Variants in IL17RB observed in about 807,000 individuals in gnomAD.
The protein encoded by IL17RB is interleukin 17 receptor B, also known as interleukin-17 receptor B.
In IL17RB, 36 loss-of-function variants were observed where a neutral mutation model predicts 43.9. That is an observed-to-expected ratio of 0.82 (90% confidence interval 0.63 to 1.08). The LOEUF (loss-of-function observed/expected upper bound fraction) is 1.08. Ranked by LOEUF, IL17RB falls within the 50% of genes least tolerant of loss-of-function variation. IL17RB has a pLI of 0.00. For missense variants in IL17RB, 613 were observed against 613.6 expected, an observed-to-expected ratio of 1.00 and a Z score of 0.01; for synonymous variants, 225 against 225.4, an observed-to-expected ratio of 1.00 and a Z score of 0.02.
At chr3:53,856,076 A>C (rs940927267) in intron 6 of IL17RB, among the ~76,000 whole-genome samples, 1 of 152,204 alleles carries the variant, frequency 6.6e-6, no homozygotes, top group Non-Finnish European at 1.5e-5. Flanking sequence ...CCTTGCTAGA[A>C]GGCAGATTTG....
intron 1 of IL17RB, among the ~76,000 whole-genome samples, chr3:53,846,940 C>T (rs1157197677): frequency 6.6e-6 from 1 of 152,298 alleles, no homozygotes; most frequent in Middle Eastern, 3.4e-3. Context: ...ACCGAACCCA[C>T]CAGGGTCTCT....
At chr3:53,860,271 AC>A in intron 10 of IL17RB, 43 bp downstream of exon 10, 3 of 1,513,304 alleles carry the variant, frequency 2.0e-6, no homozygotes, top group Non-Finnish European at 2.7e-6. Context: ...TAAGGAAATA[AC>A]ATTTTGAATT....
chr3:53,853,836 A>G (rs1330251408), intron 5 of IL17RB, among the ~76,000 whole-genome samples: 4 of 152,208 alleles, frequency 2.6e-5, no homozygotes, highest in African/African-American at 9.6e-5. Flanking sequence ...TGATGAGAGC[A>G]AACCTCATTT....
chr3:53,846,585 G>T lies in IL17RB; in HGVS notation c.-4G>T. ...TGGCCTGGATCCCGCGCAGTGGCCC[G>T]GCGATGTCGCTCGTGCTGCTAAGCC... On this transcript the variant is annotated 5_prime_UTR_variant, in exon 1 of 11. Coordinates refer to ENST00000288167, the MANE Select transcript of IL17RB (RefSeq NM_018725.4). 6.3e-7 allele frequency: 1 copy of T among 1,578,656 alleles called. No homozygotes were observed. The highest frequency in any genetic ancestry group is 8.6e-7 in the Non-Finnish European group (1 of 1,167,608).
At position 53,858,789 on chromosome 3, in the gene IL17RB, A is replaced by C. The variant is rs765666738; in HGVS notation, c.818A>C (p.Gln273Pro). Residue 273 changes from glutamine (Q) to proline (P), a missense_variant, in exon 9 of 11, where the codon CAA (glutamine) becomes CCA (proline). Coordinates refer to ENST00000288167, the MANE Select transcript of IL17RB (RefSeq NM_018725.4). ...AAAGGAACAGTTGTGCTCTGCCCAC[A>C]AACAGGCGTCCCTTTCCCTCTGGAT... is the stretch of plus-strand genomic sequence containing the variant. ...RHKGTVVLCP[Q>P]TGVPFPLDNN... 1.9e-5 allele frequency: 31 copies of C among 1,614,080 alleles called. No homozygotes were observed. Among genetic ancestry groups the C allele is most frequent in the Non-Finnish European group, 2.5e-5 (30 of 1,180,018 alleles).
chr3:53,863,155 A>G (rs1699628153), intron 10 of IL17RB, among the ~76,000 whole-genome samples: 1 of 152,190 alleles, frequency 6.6e-6, no homozygotes, highest in Non-Finnish European at 1.5e-5. Flanking sequence ...CATGCAAAAT[A>G]TGTGTTAATT....
rs749224242 is a variant in IL17RB, at chr3:53,858,829, A to G, written c.847+11A>G. On this transcript the variant is annotated intron_variant, in intron 9 of 10. Coordinates refer to ENST00000288167, the MANE Select transcript of IL17RB (RefSeq NM_018725.4). ...TCCCTCTGGATAACAGTAAGTGCCCAGTAACTTCAACCAGATGATCAAAGT... is the reference window on the plus strand; with the variant it reads ...TCCCTCTGGATAACAGTAAGTGCCCGGTAACTTCAACCAGATGATCAAAGT... 6.2e-7 allele frequency: 1 copy of G among 1,601,170 alleles called. No individual in the cohort carries two copies. The highest frequency in any genetic ancestry group is 2.2e-5 in the East Asian group (1 of 44,814).
At chr3:53,848,609 G>A (rs1031424938) in intron 1 of IL17RB, 55 bp from the exon 2 acceptor site, 8 of 1,582,544 alleles carry the variant, frequency 5.1e-6, no homozygotes, top group African/African-American at 1.4e-5. Context: ...TTTGGCAAAG[G>A]AAAGCTTGTG....
At chr3:53,849,545 G>T in intron 2 of IL17RB, 110 bp from the exon 3 acceptor site, 1 of 932,148 alleles carries the variant, frequency 1.1e-6, no homozygotes, top group Non-Finnish European at 1.5e-6. Context: ...AAAAAAAGAA[G>T]TGAGGAATTG....
At chr3:53,852,410 C>G (rs781530692) in intron 4 of IL17RB, among the ~76,000 whole-genome samples, 1 of 152,152 alleles carries the variant, frequency 6.6e-6, no homozygotes, top group Non-Finnish European at 1.5e-5. Flanking sequence ...GCTGGGATTA[C>G]AGGTATGAGC....
chr3:53,856,974 T>G lies in IL17RB; in HGVS notation c.660T>G (p.Ser220=), dbSNP rs1300727908. 1.2e-6 allele frequency: 2 copies of G among 1,613,920 alleles called. No individual in the cohort carries two copies. The highest frequency in any genetic ancestry group is 1.7e-6 in the Non-Finnish European group (2 of 1,180,042). Residue 220 remains serine, a synonymous_variant, in exon 7 of 11, where the codon TCT becomes TCG. Transcript: ENST00000288167. ...LIQHSTIIGF[S]QVFEPHQKKQ... is the part of the protein sequence containing the mutation. ...AACACAGCACTATCATCGGGTTTTC[T>G]CAGGTGTTTGAGGTACTTTTTCTCT...
At position 53,859,092 on chromosome 3, in the gene IL17RB, G is replaced by C. The variant is rs922260423; in HGVS notation, c.847+274G>C. 2.5e-5 allele frequency: 8 copies of C among 320,066 alleles called. No homozygotes were observed. The East Asian group carries it at 3.3e-4, about 13-fold the overall frequency. 19.8% of individuals were successfully genotyped at this position (320,066 alleles called of 1,614,324 possible). ...ATACACAGTGCAAAATGGATGTTCT[G>C]AGTGCCACAAGGATCTGCTGAAAAA... is the stretch of plus-strand genomic sequence containing the variant. On this transcript the variant is annotated intron_variant, in intron 9 of 10. Coordinates refer to ENST00000288167, the MANE Select transcript of IL17RB (RefSeq NM_018725.4).
rs1436894453 is a variant in IL17RB, at chr3:53,857,676, G to T, written c.733G>T (p.Gly245Cys). 4.3e-6 allele frequency: 7 copies of T among 1,613,988 alleles called. No homozygotes were observed. Among genetic ancestry groups the T allele is most frequent in the Non-Finnish European group, 5.9e-6 (7 of 1,179,954 alleles). Residue 245 changes from glycine to cysteine, a missense_variant, in exon 8 of 11, where the codon GGT becomes TGT. Transcript: ENST00000288167. Reference sequence around the variant, plus strand: ...GATTCCAGTGACTGGGGATAGTGAAGGTGCTACGGTGCAGGTAAAGTTCAG... The same window carrying T: ...GATTCCAGTGACTGGGGATAGTGAATGTGCTACGGTGCAGGTAAAGTTCAG... ...VVIPVTGDSE[G>C]ATVQLTPYFP... is the part of the protein sequence containing the mutation.
intron 8 of IL17RB, chr3:53,858,455 T>C (rs1699431066): frequency 1.6e-6 from 2 of 1,282,288 alleles, no homozygotes; most frequent in Non-Finnish European, 2.0e-6. Context: ...GACCTAGCCC[T>C]TTTAGGTAAG....
At position 53,856,928 on chromosome 3, in the gene IL17RB, A is replaced by G. The variant is rs1391539520; in HGVS notation, c.614A>G (p.Asn205Ser). Reference protein sequence around the residue: ...EVNFTTTPLGNRYMALIQHST... With the variant: ...EVNFTTTPLGSRYMALIQHST... ...AACTTCACAACCACTCCCCTGGGAA[A>G]CAGATACATGGCTCTTATCCAACAC... The change falls in exon 7 of 11, where the codon AAC becomes AGC. Residue 205 changes from asparagine to serine, a missense_variant. By Grantham distance (46) the Asn-to-Ser change is conservative. Coordinates refer to ENST00000288167, the MANE Select transcript of IL17RB (RefSeq NM_018725.4). 2.5e-6 allele frequency: 4 copies of G among 1,614,116 alleles called. No individual in the cohort carries two copies. Among genetic ancestry groups the G allele is most frequent in the Non-Finnish European group, 3.4e-6 (4 of 1,179,990 alleles).
At position 53,865,089 on chromosome 3, in the gene IL17RB, C is replaced by A. The variant is rs1179626090; in HGVS notation, c.1290C>A (p.Phe430Leu). Residue 430 changes from phenylalanine (F) to leucine (L), a missense_variant, in exon 11 of 11, where the codon TTC (phenylalanine) becomes TTA (leucine). Transcript: ENST00000288167. ...TCTTCCCCCTTGCCTTTAACCTTTT[C>A]TGCAGTGATCTAAGAAGCCAGATTC... ...QDLFPLAFNL[F>L]CSDLRSQIHL... The A allele has an allele frequency of 1.2e-6, 2 of 1,614,172 alleles. No individual in the cohort carries two copies. Among genetic ancestry groups the A allele is most frequent in the Non-Finnish European group, 1.7e-6 (2 of 1,179,976 alleles).
rs563112234 is a variant in IL17RB, at chr3:53,864,764, C to T, written c.965C>T (p.Ser322Phe). 4.5e-5 allele frequency: 72 copies of T among 1,608,744 alleles called. 2 individuals are homozygous for T. The South Asian group carries it at 7.4e-4, about 17-fold the overall frequency. The part of the protein sequence containing the change: ...MWRHERIKKT[S>F]FSTTTLLPPI... ...CTCACAGAAAGGATCAAGAAGACTT[C>T]CTTTTCTACCACCACACTACTGCCC... The change falls in exon 11 of 11, where the codon TCC becomes TTC. Residue 322 changes from serine to phenylalanine, a missense_variant. By Grantham distance (155) the Ser-to-Phe change is radical. Transcript: ENST00000288167.
rs1222931842 is a variant in IL17RB, at chr3:53,849,551, A to T, written c.86-104A>T. 1.3e-5 allele frequency: 13 copies of T among 1,000,824 alleles called. No individual in the cohort carries two copies. In the East Asian group the frequency reaches 3.4e-4, roughly 26 times the overall value. The allele number at this position is 1,000,824 out of a possible 1,614,324, so 62.0% of individuals were successfully genotyped here. ...TTAATTAAAAAAAAAAGAAGTGAGGAATTGTGAATGGGGGAAGGTTTGGTG... is the reference window on the plus strand; with the variant it reads ...TTAATTAAAAAAAAAAGAAGTGAGGTATTGTGAATGGGGGAAGGTTTGGTG... On this transcript the variant is annotated intron_variant, in intron 2 of 10. Transcript: ENST00000288167.
chr3:53,858,896 G>A (rs1276309531), intron 9 of IL17RB, 78 bp downstream of exon 9: 1 of 1,201,152 alleles, frequency 8.3e-7, no homozygotes, highest in African/African-American at 1.5e-5. Context: ...TATGTGGAAG[G>A]GTTGTGTGTA....
Sources: gnomAD v4.1 joint callset for allele counts (sites outside exome capture counted in the v4.1 genomes callset) on GRCh38, gnomAD v4.1.1 for gene constraint, MANE v1.5 for transcripts, NCBI Gene and HGNC (gene_info 2026-07-23, HGNC 2026-07-21) for gene names.